EML6: variants seen among roughly 807,000 people sequenced by gnomAD.
The protein encoded by EML6 is EMAP like 6, also known as echinoderm microtubule-associated protein-like 6.
Under a neutral mutation model 240.1 loss-of-function variants are expected in EML6, and 154 were observed. The observed-to-expected ratio is 0.64, with a 90% CI of 0.56 to 0.73. The LOEUF is 0.73. EML6 is among the 30% of genes least tolerant of loss of function. EML6 has a pLI of 0.00. For synonymous variants in EML6, 1,148 were observed against 899.0 expected, an observed-to-expected ratio of 1.28 and a Z score of -4.95; for missense variants, 2,964 against 2,474.6, an observed-to-expected ratio of 1.20 and a Z score of -4.20.
Position 54,957,782 on chromosome 2 carries a change from C to A in EML6, c.4487-8C>A. 6.5e-7 allele frequency: 1 copy of A among 1,549,624 alleles called. No individual in the cohort carries two copies. The highest frequency in any genetic ancestry group is 8.7e-7 in the Non-Finnish European group (1 of 1,146,934). ...GAGGAGCCTCACTGGACTCTGTCACCCACACAGGTGCCAAGGTTGCCAGCC... is the reference window on the plus strand; with the variant it reads ...GAGGAGCCTCACTGGACTCTGTCACACACACAGGTGCCAAGGTTGCCAGCC... On this transcript the variant is annotated splice_region_variant and splice_polypyrimidine_tract_variant and intron_variant, in intron 32 of 41. Transcript: ENST00000356458.
rs1050136313 is a variant in EML6 at position 54,895,387 on chromosome 2, C to T, written c.2969C>T (p.Thr990Ile). 5.2e-6 allele frequency: 8 copies of T among 1,551,908 alleles called. No individual in the cohort carries two copies. Among genetic ancestry groups the T allele is most frequent in the South Asian group, 4.8e-5 (4 of 84,054 alleles). ...ILEIDKSGPM[T>I]LLVQGHMEGE... ...GAAATTGATAAGAGTGGCCCAATGA[C>T]ACTGCTTGTTCAGGTACTGTTTGTA... Residue 990 changes from threonine (T) to isoleucine (I), a missense_variant, in exon 21 of 42, where the codon ACA (threonine) becomes ATA (isoleucine). Transcript: ENST00000356458.
chr2:54,859,485 T>G (rs1290102693), intron 11 of EML6, 49 bp from the exon 12 acceptor site: 1 of 1,460,288 alleles, frequency 6.8e-7, no homozygotes, highest in Admixed American at 2.1e-5. Flanking sequence ...TTTAAACTAA[T>G]GAACTCTTCT....
chr2:54,963,316 C>A (rs865970234), intron 36 of EML6, among the ~76,000 whole-genome samples: 1 of 152,202 alleles, frequency 6.6e-6, no homozygotes, highest in Non-Finnish European at 1.5e-5. Context: ...GGTTGCTAGA[C>A]TTTTAAGTTA....
chr2:54,756,892 T>C (rs1483847009), intron 2 of EML6, among the ~76,000 whole-genome samples: 1 of 152,040 alleles, frequency 6.6e-6, no homozygotes, highest in Non-Finnish European at 1.5e-5. Context: ...CTTTGCTCTT[T>C]CTTCTTCAAA....
At chr2:54,860,274 A>G (rs1323295350) in intron 12 of EML6, among the ~76,000 whole-genome samples, 7 of 152,170 alleles carry the variant, frequency 4.6e-5, no homozygotes, top group Admixed American at 4.6e-4. Context: ...CTCTGGGAGT[A>G]GAGGGAGTTA....
chr2:54,912,939 T>C (rs1673717719), intron 25 of EML6, among the ~76,000 whole-genome samples: 1 of 152,200 alleles, frequency 6.6e-6, no homozygotes, highest in Non-Finnish European at 1.5e-5. Context: ...ATGGTATTGC[T>C]GAGTAGAATG....
At chr2:54,818,780 A>G (rs1477446570) in intron 4 of EML6, among the ~76,000 whole-genome samples, 1 of 152,168 alleles carries the variant, frequency 6.6e-6, no homozygotes, top group Non-Finnish European at 1.5e-5. Context: ...AGGATGTTTT[A>G]ATGAAATGCT....
rs1667747199 is a variant in EML6 at position 54,809,906 on chromosome 2, A to G, written c.198-3326A>G. Among the ~76,000 whole-genome samples the G allele has an allele frequency of 2.0e-5, 3 of 151,372 alleles. No homozygotes were observed. The South Asian group carries it at 6.3e-4, about 32-fold the overall frequency. On this transcript the variant is annotated intron_variant, in intron 2 of 41. Transcript: ENST00000356458. The stretch of plus-strand genomic sequence containing the variant: ...ATGCCATTTGGCTGTGCCCTGGATG[A>G]TACATGTCACTGCTGAAAGGGGTGG...
chr2:54,895,224 TA>T (rs1672699489), intron 20 of EML6, 48 bp from the exon 21 acceptor site: 5 of 1,544,272 alleles, frequency 3.2e-6, no homozygotes, highest in Non-Finnish European at 4.4e-6. Context: ...TTTATACTAA[TA>T]AGCAGTTGTT....
At chr2:54,912,942 G>C (rs1197899581) in intron 25 of EML6, among the ~76,000 whole-genome samples, 1 of 152,118 alleles carries the variant, frequency 6.6e-6, no homozygotes, top group African/African-American at 2.4e-5. Flanking sequence ...GTATTGCTGA[G>C]TAGAATGGTA....
chr2:54,877,824 T>G (rs1275587844), intron 16 of EML6, among the ~76,000 whole-genome samples: 1 of 152,240 alleles, frequency 6.6e-6, no homozygotes, highest in Non-Finnish European at 1.5e-5. Flanking sequence ...TGCCTCATAC[T>G]TCGTAGTGAT....
intron 14 of EML6, 41 bp downstream of exon 14, chr2:54,866,925 C>A: frequency 3.3e-6 from 4 of 1,221,850 alleles, no homozygotes; most frequent in South Asian, 1.3e-5. Context: ...GTTCCTCTGT[C>A]TCTGCCTGGC....
At chr2:54,759,534 G>A (rs62136877) in intron 2 of EML6, among the ~76,000 whole-genome samples, 23,583 of 151,978 alleles carry the variant, frequency 0.16, 2,005 homozygotes, top group South Asian at 0.21. Flanking sequence ...CATTTAAGGA[G>A]CTTTTAAAGG....
intron 24 of EML6, among the ~76,000 whole-genome samples, chr2:54,910,099 A>T (rs1470310700): frequency 6.6e-6 from 1 of 152,190 alleles, no homozygotes; most frequent in Non-Finnish European, 1.5e-5. Flanking sequence ...CTTCAAAATA[A>T]TCTAGGGTGG....
intron 2 of EML6, among the ~76,000 whole-genome samples, chr2:54,805,449 C>G (rs12989308): frequency 6.6e-6 from 1 of 152,062 alleles, no homozygotes; most frequent in East Asian, 1.9e-4. Flanking sequence ...TGCCCTGTGT[C>G]TTTAGCAACA....
chr2:54,836,638 A>G (rs905703031), intron 7 of EML6, among the ~76,000 whole-genome samples: 9 of 151,916 alleles, frequency 5.9e-5, no homozygotes, highest in Non-Finnish European at 1.3e-4. Context: ...TTAATCCTCA[A>G]ACTCCCCTGG....
At chr2:54,890,248 A>G (rs1196063595) in intron 17 of EML6, among the ~76,000 whole-genome samples, 3 of 152,196 alleles carry the variant, frequency 2.0e-5, no homozygotes, top group Non-Finnish European at 4.4e-5. Flanking sequence ...TGTTTTTAAT[A>G]TGCTTTCAGA....
chr2:54,748,203 A>G (rs768514936), intron 2 of EML6, among the ~76,000 whole-genome samples: 12 of 152,244 alleles, frequency 7.9e-5, no homozygotes, highest in Non-Finnish European at 1.6e-4. Flanking sequence ...CTATGATTAT[A>G]TGGTGTCAAA....
chr2:54,939,097 C>A (rs777056342), intron 28 of EML6, among the ~76,000 whole-genome samples: 3 of 152,228 alleles, frequency 2.0e-5, no homozygotes, highest in African/African-American at 4.8e-5. Context: ...TCCTTAACAA[C>A]AAGATTTAGA....
Sources: allele counts gnomAD v4.1 joint callset (sites outside exome capture counted in the v4.1 genomes callset), GRCh38; gene constraint gnomAD v4.1.1; transcripts MANE v1.5; gene names NCBI Gene and HGNC (gene_info 2026-07-23, HGNC 2026-07-21).